CDH13: variants seen among roughly 807,000 people sequenced by gnomAD.
The protein encoded by CDH13 is cadherin 13, also known as cadherin-13.
A neutral mutation model predicts 63.8 loss-of-function variants in CDH13; 24 were observed. The ratio of observed to expected loss-of-function variants is 0.38; its 90% CI spans 0.27 to 0.53. The LOEUF (loss-of-function observed/expected upper bound fraction) is 0.53. Ranked by LOEUF, CDH13 falls within the 20% of genes least tolerant of loss-of-function variation. The pLI is 0.85. For missense variants in CDH13, 1,049 were observed against 903.1 expected (o/e 1.16, Z -2.07); for synonymous variants, 503 against 355.3 (o/e 1.42, Z -4.67).
chr16:83,104,870 T>G (rs983856413), intron 3 of CDH13, among the ~76,000 whole-genome samples: 2 of 152,134 alleles, frequency 1.3e-5, no homozygotes, highest in Non-Finnish European at 2.9e-5. Context: ...ATCTGAAAAA[T>G]GGACCAAATC....
intron 2 of CDH13, among the ~76,000 whole-genome samples, chr16:82,922,731 G>C (rs1177366458): frequency 6.6e-6 from 1 of 152,174 alleles, no homozygotes; most frequent in Non-Finnish European, 1.5e-5. Flanking sequence ...AGGGAGGCTA[G>C]AAAATTAGTC....
chr16:82,750,905 G>A, intron 1 of CDH13, among the ~76,000 whole-genome samples: 1 of 152,236 alleles, frequency 6.6e-6, no homozygotes, highest in East Asian at 1.9e-4. Context: ...CTTAAAACAA[G>A]TGTCTTTAAA....
intron 1 of CDH13, among the ~76,000 whole-genome samples, chr16:82,730,147 A>G (rs1170154970): frequency 6.6e-6 from 1 of 152,162 alleles, no homozygotes. Flanking sequence ...TTGAGTTTTC[A>G]CTGGAATGGC....
At chr16:82,788,648 A>G (rs1415838233) in intron 1 of CDH13, among the ~76,000 whole-genome samples, 1 of 152,346 alleles carries the variant, frequency 6.6e-6, no homozygotes, top group Non-Finnish European at 1.5e-5. Context: ...CGTTCTATCT[A>G]TAGGCCTAAC....
At chr16:82,868,136 T>C (rs2040215856) in intron 2 of CDH13, among the ~76,000 whole-genome samples, 1 of 152,090 alleles carries the variant, frequency 6.6e-6, no homozygotes, top group African/African-American at 2.4e-5. Context: ...AAGGTTGGGG[T>C]TTCAAGTAGT....
intron 8 of CDH13, among the ~76,000 whole-genome samples, chr16:83,633,452 A>T (rs1298520987): frequency 6.6e-6 from 1 of 152,230 alleles, no homozygotes; most frequent in Non-Finnish European, 1.5e-5. Flanking sequence ...GAAACTCCTC[A>T]CCGCTTTCTA....
chr16:83,258,920 C>G (rs1461265516), intron 5 of CDH13, among the ~76,000 whole-genome samples: 1 of 152,174 alleles, frequency 6.6e-6, no homozygotes, highest in African/African-American at 2.4e-5. Flanking sequence ...TCTCCTTCCA[C>G]CTTTGAAGAG....
intron 4 of CDH13, among the ~76,000 whole-genome samples, chr16:83,186,806 C>T (rs1022594025): frequency 6.6e-6 from 1 of 152,114 alleles, no homozygotes; most frequent in East Asian, 1.9e-4. Context: ...CCAACTCTTT[C>T]TCATGTGGAG....
intron 1 of CDH13, among the ~76,000 whole-genome samples, chr16:82,787,770 T>C (rs1461628497): frequency 6.7e-6 from 1 of 149,914 alleles, no homozygotes; most frequent in Non-Finnish European, 1.5e-5. Context: ...CAATTTTGTT[T>C]GTTTTTTCTC....
chr16:83,341,401 C>T (rs2090719199), intron 5 of CDH13, among the ~76,000 whole-genome samples: 2 of 152,140 alleles, frequency 1.3e-5, no homozygotes, highest in African/African-American at 4.8e-5. Flanking sequence ...GATGAAAACT[C>T]ACGGGAATGT....
intron 3 of CDH13, among the ~76,000 whole-genome samples, chr16:83,113,661 A>C (rs1273533346): frequency 6.6e-6 from 1 of 152,202 alleles, no homozygotes. Flanking sequence ...TCCTCATAGC[A>C]AAAGAGACCG....
chr16:82,967,955 C>T (rs545672017), intron 2 of CDH13, among the ~76,000 whole-genome samples: 42 of 152,158 alleles, frequency 2.8e-4, no homozygotes, highest in Non-Finnish European at 8.8e-5. Flanking sequence ...TTCTAGGCTT[C>T]TTTGATAATT....
At chr16:83,387,637 A>G (rs771571413) in intron 6 of CDH13, among the ~76,000 whole-genome samples, 5 of 152,240 alleles carry the variant, frequency 3.3e-5, no homozygotes, top group Admixed American at 1.3e-4. Flanking sequence ...TGTTGCTTTG[A>G]TAAGTTTTTC....
intron 3 of CDH13, among the ~76,000 whole-genome samples, chr16:83,039,843 C>G (rs1567771816): frequency 6.6e-6 from 1 of 152,086 alleles, no homozygotes; most frequent in Non-Finnish European, 1.5e-5. Flanking sequence ...GGACATTGTT[C>G]CTTCCACTGA....
At chr16:83,590,826 C>T (rs540662138) in intron 7 of CDH13, among the ~76,000 whole-genome samples, 31 of 151,966 alleles carry the variant, frequency 2.0e-4, no homozygotes, top group African/African-American at 6.5e-4. Context: ...ATGCTTTGGC[C>T]CTGCCCTGAA....
intron 9 of CDH13, among the ~76,000 whole-genome samples, chr16:83,676,151 C>T: frequency 6.6e-6 from 1 of 152,224 alleles, no homozygotes; most frequent in Non-Finnish European, 1.5e-5. Flanking sequence ...GGAAAAGGAG[C>T]TGAGCGGCAC....
intron 9 of CDH13, among the ~76,000 whole-genome samples, chr16:83,671,974 C>A (rs572225659): frequency 6.6e-6 from 1 of 152,270 alleles, no homozygotes; most frequent in African/African-American, 2.4e-5. Flanking sequence ...CTGCCAGAGA[C>A]CAGGACCTTC....
At chr16:82,690,988 T>C (rs1238676124) in intron 1 of CDH13, among the ~76,000 whole-genome samples, 1 of 152,148 alleles carries the variant, frequency 6.6e-6, no homozygotes, top group Non-Finnish European at 1.5e-5. Context: ...CCAATGTCTA[T>C]AAAGACACAT....
intron 3 of CDH13, among the ~76,000 whole-genome samples, chr16:83,036,143 C>CTTTTTTTTT (rs34375178): frequency 1.1e-5 from 1 of 90,824 alleles, no homozygotes; most frequent in Non-Finnish European, 2.0e-5. Context: ...GAGCTCTCCT[C>CTTTTTTTTT]TTTTTTTTTT....
Sources: allele counts gnomAD v4.1 joint callset (sites outside exome capture counted in the v4.1 genomes callset), GRCh38; gene constraint gnomAD v4.1.1; transcripts MANE v1.5; gene names NCBI Gene and HGNC (gene_info 2026-07-23, HGNC 2026-07-21).